The following CHADL variants were observed in gnomAD, a reference collection of about 807,000 sequenced individuals.
CHADL encodes chondroadherin like.
Under a neutral mutation model 52.1 loss-of-function variants are expected in CHADL, and 48 were observed. The ratio of observed to expected loss-of-function variants is 0.92; its 90% CI spans 0.73 to 1.17. CHADL has a LOEUF of 1.17. Among genes scored for constraint, CHADL ranks in the 50% most tolerant of loss-of-function variants. The pLI is 0.00. For synonymous variants in CHADL, 498 were observed against 511.2 expected (o/e 0.97, Z 0.35); for missense variants, 977 against 1,035.1 (o/e 0.94, Z 0.77).
chr22:41,235,043 A>T, intron 5 of CHADL, 102 bp downstream of exon 5: 1 of 1,218,796 alleles, frequency 8.2e-7, no homozygotes, highest in Non-Finnish European at 1.2e-6. Context: ...CTCTGGAACC[A>T]CATGAATCAG....
chr22:41,237,585 G>A lies in CHADL; in HGVS notation c.1487C>T (p.Ala496Val), dbSNP rs561946844. The A allele has an allele frequency of 5.3e-5, 82 of 1,550,504 alleles. No individual in the cohort carries two copies. In the African/African-American group the frequency reaches 1.0e-3, roughly 19 times the overall value. Residue 496 changes from alanine to valine, a missense_variant, in exon 3 of 6, where the codon GCT (alanine) becomes GTT (valine). Ala to Val is a moderately conservative substitution (Grantham distance 64). Transcript: ENST00000216241. ...AGLSAAALEG[A>V]PRLGYLYLER... The stretch of plus-strand genomic sequence containing the variant: ...TAGGTACAGGTAGCCGAGGCGGGGA[G>A]CCCCTTCAAGGGCAGCAGCGCTGAG...
At chr22:41,232,864 G>C (rs2032652763) in intron 5 of CHADL, among the ~76,000 whole-genome samples, 1 of 152,154 alleles carries the variant, frequency 6.6e-6, no homozygotes, top group Admixed American at 6.5e-5. Context: ...CCATTTCCCA[G>C]TCGCGCACGT....
At chr22:41,232,133 C>A (rs966041008) in intron 5 of CHADL, among the ~76,000 whole-genome samples, 1 of 151,616 alleles carries the variant, frequency 6.6e-6, no homozygotes, top group East Asian at 1.9e-4. Context: ...GAGATCGAGA[C>A]CATCCTGGCT....
chr22:41,229,945 G>A (rs774648723), intron 5 of CHADL, among the ~76,000 whole-genome samples: 6 of 152,106 alleles, frequency 3.9e-5, no homozygotes, highest in Non-Finnish European at 7.4e-5. Context: ...TGGCAGTGTC[G>A]TTGGCATAGC....
At position 41,237,510 on chromosome 22, in the gene CHADL, GGCAGGGCGC is replaced by G. The variant is rs766478871; in HGVS notation, c.1553_1561del (p.Arg518_Leu520del). 1 of 1,550,492 alleles carries G rather than the reference GGCAGGGCGC, an allele frequency of 6.4e-7. No individual in the cohort carries two copies. The highest frequency in any genetic ancestry group is 2.0e-5 in the Admixed American group (1 of 51,014). On this transcript the variant is annotated inframe_deletion, in exon 3 of 6. Transcript: ENST00000216241. ...CTGCAGGTGCAGGGAGAAGAGGCTGGGCAGGGCGCGCAGGGCAGCCCCTGGCACCTGCAG... is the reference window on the plus strand; with the variant it reads ...CTGCAGGTGCAGGGAGAAGAGGCTGGGCAGGGCAGCCCCTGGCACCTGCAG...
At chr22:41,236,307 C>T (rs565901144) in intron 4 of CHADL, among the ~76,000 whole-genome samples, 177 bp downstream of exon 4, 72 of 152,320 alleles carry the variant, frequency 4.7e-4, no homozygotes, top group African/African-American at 1.7e-3. Flanking sequence ...CCTCAACATC[C>T]CCAGGAAGGG....
Position 41,229,712 on chromosome 22 carries a change from G to A in CHADL, c.2281C>T (p.Arg761Cys), listed in dbSNP as rs934502137. 9 of 1,612,358 alleles carry A rather than the reference G, an allele frequency of 5.6e-6. No individual in the cohort carries two copies. The highest frequency in any genetic ancestry group is 7.6e-6 in the Non-Finnish European group (9 of 1,179,934). ...GADKVGKEKGRL is the reference protein window; with the variant it reads ...GADKVGKEKGCL Reference sequence around the variant, plus strand: ...ACCAGCCTGCTCCGTGCTCAGAGACGACCCTTCTCCTTCCCCACCTGGGCA... The same window carrying A: ...ACCAGCCTGCTCCGTGCTCAGAGACAACCCTTCTCCTTCCCCACCTGGGCA... The change falls in exon 6 of 6, where the codon CGT becomes TGT. Residue 761 changes from arginine to cysteine, a missense_variant. Physicochemically the swap from Arg to Cys is radical, Grantham distance 180. Transcript: ENST00000216241.
intron 5 of CHADL, chr22:41,230,253 C>A (rs1362247814): frequency 6.2e-7 from 1 of 1,610,532 alleles, no homozygotes; most frequent in South Asian, 1.1e-5. Context: ...GACGACTGAG[C>A]CTTCCTGCCT....
chr22:41,235,459 G>T, intron 4 of CHADL, 116 bp from the exon 5 acceptor site: 1 of 758,148 alleles, frequency 1.3e-6, no homozygotes, highest in Non-Finnish European at 2.1e-6. Context: ...AAGGCCACAG[G>T]CAGCATGCAT....
intron 1 of CHADL, among the ~76,000 whole-genome samples, chr22:41,240,394 C>T (rs557057351): frequency 6.6e-6 from 1 of 152,342 alleles, no homozygotes; most frequent in Non-Finnish European, 1.5e-5. Flanking sequence ...CAGCTGGCCC[C>T]TCTGTTCTCA....
Position 41,238,367 on chromosome 22 carries a change from C to CAGACGGGCCAGGCCGCGGGCCTGGGACA in CHADL, c.677_704dup (p.Glu236ValfsTer268), listed in dbSNP as rs1462659331. ...AGGTGAGCGGGTTGTGGCCCAGCTC[C>CAGACGGGCCAGGCCGCGGGCCTGGGACA]AGACGGGCCAGGCCGCGGGCCTGGG... On this transcript the variant is annotated frameshift_variant, in exon 3 of 6. Coordinates refer to ENST00000216241, the MANE Select transcript of CHADL (RefSeq NM_138481.2). LOFTEE classifies it high-confidence loss of function. This position sits in a 1 kb window ranked among gnomAD's most constrained non-coding sequence, Gnocchi z 4.9. The CAGACGGGCCAGGCCGCGGGCCTGGGACA allele has an allele frequency of 6.7e-7, 1 of 1,498,982 alleles. No homozygotes were observed. Among genetic ancestry groups the CAGACGGGCCAGGCCGCGGGCCTGGGACA allele is most frequent in the Non-Finnish European group, 8.8e-7 (1 of 1,130,194 alleles). The allele number at this position is 1,498,982 out of a possible 1,614,324, so 92.9% of individuals were successfully genotyped here. A position where few individuals can be genotyped will look rare whatever the true frequency, so the allele number is the denominator to read the frequency against.
At chr22:41,229,975 G>A (rs2032472541) in intron 5 of CHADL, among the ~76,000 whole-genome samples, 2 of 152,132 alleles carry the variant, frequency 1.3e-5, no homozygotes, top group Non-Finnish European at 2.9e-5. Flanking sequence ...TTGGGGCCTT[G>A]GCCCTTTGCT....
chr22:41,235,083 G>A (rs1326413159), intron 5 of CHADL, 62 bp downstream of exon 5: 12 of 1,498,570 alleles, frequency 8.0e-6, no homozygotes, highest in Non-Finnish European at 9.0e-6. Context: ...CCTGCTTCCT[G>A]GGGACTTTGG....
chr22:41,229,861 G>A (rs1601545747), intron 5 of CHADL, 131 bp from the exon 6 acceptor site: 6 of 847,362 alleles, frequency 7.1e-6, no homozygotes, highest in Admixed American at 2.0e-5. Flanking sequence ...CCTCTAGCCC[G>A]GCCCCGGCCC....
At position 41,237,606 on chromosome 22, in the gene CHADL, C is replaced by G. The variant is rs1194740474; in HGVS notation, c.1466G>C (p.Ser489Thr). 5.2e-6 allele frequency: 8 copies of G among 1,550,360 alleles called. No individual in the cohort carries two copies. The Admixed American group carries it at 7.8e-5, about 15-fold the overall frequency. The change falls in exon 3 of 6, where the codon AGC (serine) becomes ACC (threonine). Residue 489 changes from serine (S) to threonine (T), a missense_variant. Coordinates refer to ENST00000216241, the MANE Select transcript of CHADL (RefSeq NM_138481.2). The part of the protein sequence containing the change: ...YLSDNQLAGL[S>T]AAALEGAPRL... ...GGGAGCCCCTTCAAGGGCAGCAGCG[C>G]TGAGGCCTGCGAGCTGGTTGTCGGA...
At chr22:41,239,729 T>G (rs2032827433) in intron 1 of CHADL, 109 bp from the exon 2 acceptor site, 1 of 1,018,016 alleles carries the variant, frequency 9.8e-7, no homozygotes, top group African/African-American at 1.7e-5. Context: ...CCTCAGAGCC[T>G]CCTCCTTTGG....
In CHADL at chr22:41,237,331, G is replaced by A. The variant is rs776644740; in HGVS notation, c.1741C>T (p.Leu581=). The A allele has an allele frequency of 6.4e-7, 1 of 1,550,686 alleles. No individual in the cohort carries two copies. Among genetic ancestry groups the A allele is most frequent in the Non-Finnish European group, 8.7e-7 (1 of 1,146,956 alleles). Reference sequence around the variant, plus strand: ...AAGGCCCCAGTGGGCACCTCTCGCAGCTGATTCCTGTCCAGGTGCAGCTTC... The same window carrying A: ...AAGGCCCCAGTGGGCACCTCTCGCAACTGATTCCTGTCCAGGTGCAGCTTC... ...LEKLHLDRNQ[L]REVPTGALEG... is the part of the protein sequence containing the mutation. The change falls in exon 3 of 6, where the codon CTG becomes TTG. Residue 581 remains leucine (L), a synonymous_variant. Coordinates refer to ENST00000216241, the MANE Select transcript of CHADL (RefSeq NM_138481.2).
rs1471169079 is a variant in CHADL at position 41,240,842 on chromosome 22, C to G, written c.8+32G>C. 1.9e-6 allele frequency: 3 copies of G among 1,550,076 alleles called. No individual in the cohort carries two copies. In the African/African-American group the frequency reaches 4.1e-5, roughly 21 times the overall value. On this transcript the variant is annotated intron_variant, in intron 1 of 5. Transcript: ENST00000216241. Reference sequence around the variant, plus strand: ...CTGAGGCCACTGAGCTGCTCTGAATCCCCCCTTGCACCATCGGGCCCAAAG... The same window carrying G: ...CTGAGGCCACTGAGCTGCTCTGAATGCCCCCTTGCACCATCGGGCCCAAAG...
At chr22:41,233,568 CCA>C (rs1297427824) in intron 5 of CHADL, among the ~76,000 whole-genome samples, 1 of 152,136 alleles carries the variant, frequency 6.6e-6, no homozygotes. Flanking sequence ...GATTATGCTG[CCA>C]CAGATCAGGG....
Sources: gnomAD v4.1 joint callset for allele counts (sites outside exome capture counted in the v4.1 genomes callset) on GRCh38, gnomAD v4.1.1 for gene constraint, Gnocchi (gnomAD v3.1) non-coding constraint, MANE v1.5 for transcripts, NCBI Gene and HGNC (gene_info 2026-07-23, HGNC 2026-07-21) for gene names.